The following SLIT3 variants were observed in gnomAD, a reference collection of about 807,000 sequenced individuals.
The protein encoded by SLIT3 is slit guidance ligand 3.
A neutral mutation model predicts 184.0 loss-of-function variants in SLIT3; 68 were observed. The observed-to-expected ratio is 0.37, with a 90% CI of 0.30 to 0.45. The LOEUF is 0.45. SLIT3 is among the 20% of genes least tolerant of loss of function. SLIT3 has a pLI of 1.00. For synonymous variants in SLIT3, 831 were observed against 828.6 expected (o/e 1.00, Z -0.05); for missense variants, 1,707 against 2,026.0 (o/e 0.84, Z 3.02).
chr5:168,982,547 ATCTT>A (rs1754984977), intron 4 of SLIT3, among the ~76,000 whole-genome samples: 1 of 152,190 alleles, frequency 6.6e-6, no homozygotes, highest in African/African-American at 2.4e-5. Flanking sequence ...CTAAAACAAT[ATCTT>A]TATTTCATTT....
At chr5:168,915,359 G>T (rs1487596034) in intron 4 of SLIT3, among the ~76,000 whole-genome samples, 1 of 152,136 alleles carries the variant, frequency 6.6e-6, no homozygotes, top group Non-Finnish European at 1.5e-5. Context: ...TGCTGCTAGT[G>T]AGGGTAGACA....
intron 4 of SLIT3, among the ~76,000 whole-genome samples, chr5:168,926,791 T>C (rs997179213): frequency 1.3e-5 from 2 of 152,116 alleles, no homozygotes; most frequent in Admixed American, 1.3e-4. Flanking sequence ...GTCAACATCA[T>C]TAATCACTAG....
chr5:168,917,082 T>A (rs987131595), intron 4 of SLIT3, among the ~76,000 whole-genome samples: 1 of 152,202 alleles, frequency 6.6e-6, no homozygotes, highest in Admixed American at 6.5e-5. Context: ...GATTGCTAAA[T>A]AGGAGTTTTT....
intron 4 of SLIT3, among the ~76,000 whole-genome samples, chr5:168,980,079 A>G (rs1754898771): frequency 6.6e-6 from 1 of 151,946 alleles, no homozygotes; most frequent in Non-Finnish European, 1.5e-5. Context: ...GAGGCCCCAC[A>G]CTTTAGAGCA....
chr5:168,666,634 A>G lies in SLIT3; in HGVS notation c.4392T>C (p.Tyr1464=), dbSNP rs372001950. Residue 1464 remains tyrosine (Y), a synonymous_variant, in exon 36 of 36, where the codon TAT becomes TAC. Coordinates refer to ENST00000519560, the MANE Select transcript of SLIT3 (RefSeq NM_003062.4). ...VREVIRRQKG[Y]ASCATASKVP... Reference sequence around the variant, plus strand: ...CCTTGGAGGCTGTGGCACATGATGCATAACCTTTCTGGCGGCGGATCACCT... The same window carrying G: ...CCTTGGAGGCTGTGGCACATGATGCGTAACCTTTCTGGCGGCGGATCACCT... 1.5e-5 allele frequency: 24 copies of G among 1,614,250 alleles called. No homozygotes were observed. The highest frequency in any genetic ancestry group is 5.0e-5 in the Admixed American group (3 of 60,022).
intron 35 of SLIT3, chr5:168,667,642 C>T (rs1329969817): frequency 6.6e-6 from 1 of 152,204 alleles, no homozygotes; most frequent in Non-Finnish European, 1.5e-5. Flanking sequence ...GAGCCATGAC[C>T]CTTGACCCTT....
chr5:168,708,081 A>T lies in SLIT3; in HGVS notation c.2739T>A (p.Ile913=). 1 of 1,614,146 alleles carries T rather than the reference A, an allele frequency of 6.2e-7. No homozygotes were observed. The highest frequency in any genetic ancestry group is 8.5e-7 in the Non-Finnish European group (1 of 1,180,026). ...FQCKGPVDIN[I]VAKCNACLSS... ...AGAGGCAGGCATTGCATTTGGCCACAATGTTGATGTCCACTGGCCCTGGGC... is the reference window on the plus strand; with the variant it reads ...AGAGGCAGGCATTGCATTTGGCCACTATGTTGATGTCCACTGGCCCTGGGC... Residue 913 remains isoleucine (I), a synonymous_variant, in exon 26 of 36, where the codon ATT becomes ATA. Transcript: ENST00000519560.
intron 4 of SLIT3, among the ~76,000 whole-genome samples, chr5:168,958,949 G>T (rs1005101688): frequency 3.3e-5 from 5 of 152,236 alleles, no homozygotes; most frequent in Admixed American, 3.3e-4. Flanking sequence ...GGTAATGAAT[G>T]TGTGCTACAG....
rs867308853 is a variant in SLIT3, at chr5:169,192,919, T to C, written c.413+560A>G. Among the ~76,000 whole-genome samples, 4 of 152,260 alleles carry C rather than the reference T, an allele frequency of 2.6e-5. No homozygotes were observed. The Middle Eastern group carries it at 0.01, about 388-fold the overall frequency. ...AATAGAAGTATCTCCAACTCTCCCC[T>C]CTCCTCATTTTACCCTGGATCTCTG... On this transcript the variant is annotated intron_variant, in intron 4 of 35. Coordinates refer to ENST00000519560, the MANE Select transcript of SLIT3 (RefSeq NM_003062.4).
chr5:168,839,988 G>C (rs1758187345), intron 6 of SLIT3, among the ~76,000 whole-genome samples: 1 of 152,222 alleles, frequency 6.6e-6, no homozygotes, highest in Non-Finnish European at 1.5e-5. Context: ...TCTCTCCAGT[G>C]CCTGCTCTCT....
At chr5:168,755,667 C>G (rs560389719) in intron 16 of SLIT3, among the ~76,000 whole-genome samples, 2 of 152,000 alleles carry the variant, frequency 1.3e-5, no homozygotes, top group Non-Finnish European at 2.9e-5. Context: ...AACTCCAGAC[C>G]TCAGGTGATT....
chr5:168,727,813 G>A (rs1763178057), intron 20 of SLIT3, among the ~76,000 whole-genome samples: 1 of 152,208 alleles, frequency 6.6e-6, no homozygotes, highest in Non-Finnish European at 1.5e-5. Flanking sequence ...CCTTTGGGCA[G>A]GGAGGCTCTG....
chr5:169,135,167 T>TA (rs2113326616), intron 4 of SLIT3, among the ~76,000 whole-genome samples: 1 of 152,322 alleles, frequency 6.6e-6, no homozygotes, highest in Admixed American at 6.5e-5. Context: ...AGTCCAGTGA[T>TA]ACAATCTCAG....
chr5:168,794,623 G>GA (rs1756501916), intron 10 of SLIT3, among the ~76,000 whole-genome samples: 2 of 152,154 alleles, frequency 1.3e-5, no homozygotes, highest in African/African-American at 4.8e-5. Flanking sequence ...GATGTAGGGG[G>GA]TGCTCACATG....
chr5:168,712,807 G>A (rs1762601201), intron 23 of SLIT3: 1 of 160,982 alleles, frequency 6.2e-6, no homozygotes, highest in African/African-American at 2.4e-5. Context: ...TACCAGCTGT[G>A]TGACTAAGGG....
At chr5:168,824,638 C>T (rs1757641037) in intron 6 of SLIT3, among the ~76,000 whole-genome samples, 1 of 152,162 alleles carries the variant, frequency 6.6e-6, no homozygotes, top group Non-Finnish European at 1.5e-5. Context: ...CTCCCTGACC[C>T]CACACCTGCC....
At chr5:168,969,567 C>T (rs532317481) in intron 4 of SLIT3, among the ~76,000 whole-genome samples, 13 of 152,198 alleles carry the variant, frequency 8.5e-5, no homozygotes, top group African/African-American at 3.1e-4. Flanking sequence ...ATCCTGAAAA[C>T]AGCCATAAAG....
chr5:169,206,288 T>C (rs1764065358), intron 3 of SLIT3, among the ~76,000 whole-genome samples: 1 of 152,132 alleles, frequency 6.6e-6, no homozygotes, highest in Admixed American at 6.5e-5. Context: ...CTATTAGGAT[T>C]TTTTCCCCTT....
At chr5:168,780,997 C>T (rs1755949442) in intron 12 of SLIT3, among the ~76,000 whole-genome samples, 1 of 152,172 alleles carries the variant, frequency 6.6e-6, no homozygotes, top group Non-Finnish European at 1.5e-5. Flanking sequence ...GAGGAGCCCT[C>T]CAAGTCCCAA....
Sources: gnomAD v4.1 joint callset for allele counts (sites outside exome capture counted in the v4.1 genomes callset) on GRCh38, gnomAD v4.1.1 for gene constraint, MANE v1.5 for transcripts, NCBI Gene and HGNC (gene_info 2026-07-23, HGNC 2026-07-21) for gene names.